Variants in ARHGAP32 observed in about 807,000 individuals in gnomAD.
ARHGAP32 encodes Rho GTPase activating protein 32.
In ARHGAP32, 51 loss-of-function variants were observed where a neutral mutation model predicts 186.5. The observed-to-expected ratio is 0.27, with a 90% CI of 0.22 to 0.35. The LOEUF (loss-of-function observed/expected upper bound fraction) is 0.35, where lower values mean the gene tolerates loss of function less well. Ranked by LOEUF, ARHGAP32 falls within the 10% of genes least tolerant of loss-of-function variation. The probability of loss-of-function intolerance (pLI) is 1.00; values close to 1 mark genes in which losing one functional copy is unlikely to be tolerated. For synonymous variants in ARHGAP32, 950 were observed against 964.3 expected (o/e 0.99, Z 0.27); for missense variants, 2,186 against 2,623.5 (o/e 0.83, Z 3.64).
Position 129,086,683 on chromosome 11 carries a change from T to C in ARHGAP32, c.531+6938A>G, listed in dbSNP as rs760380790. Reference sequence around the variant, plus strand: ...AAAAATACAAAAAATTAGCCGGGCGTGGTGGTGGGCGCCTGTAGTCCCAGC... The same window carrying C: ...AAAAATACAAAAAATTAGCCGGGCGCGGTGGTGGGCGCCTGTAGTCCCAGC... On this transcript the variant is annotated intron_variant, in intron 6 of 22. Transcript: ENST00000682385. 5.9e-5 allele frequency among the ~76,000 whole-genome samples: 9 copies of C among 151,534 alleles called. No homozygotes were observed. The South Asian group carries it at 8.4e-4, about 14-fold the overall frequency.
At chr11:129,061,470 C>T (rs1373918615) in intron 10 of ARHGAP32, among the ~76,000 whole-genome samples, 5 of 152,138 alleles carry the variant, frequency 3.3e-5, no homozygotes, top group East Asian at 1.9e-4. Flanking sequence ...TTTAATTTAT[C>T]AATTAGGCAC....
intron 2 of ARHGAP32, among the ~76,000 whole-genome samples, chr11:129,147,752 C>T (rs541852440): frequency 1.2e-4 from 19 of 152,286 alleles, no homozygotes; most frequent in Non-Finnish European, 2.5e-4. Flanking sequence ...CCACTTTTAA[C>T]AACTGACTTG....
At chr11:129,028,333 G>T (rs1216646463) in intron 11 of ARHGAP32, among the ~76,000 whole-genome samples, 1 of 152,212 alleles carries the variant, frequency 6.6e-6, no homozygotes, top group East Asian at 1.9e-4. Flanking sequence ...AGCGAGGGAA[G>T]GGGGAAGCCC....
At chr11:129,192,347 G>A, upstream of ARHGAP32, 1 of 634,334 alleles carries the variant, frequency 1.6e-6, no homozygotes, top group Admixed American at 2.7e-5. Flanking sequence ...TACAGTCAGG[G>A]TACAGACAGG....
chr11:128,973,582 A>G (rs1031286143), intron 21 of ARHGAP32, 150 bp from the exon 22 acceptor site: 4 of 798,378 alleles, frequency 5.0e-6, no homozygotes, highest in Admixed American at 2.8e-5. Context: ...CCACATGCAA[A>G]TGCTGTTGAA....
chr11:128,970,471 T>A lies in ARHGAP32; in HGVS notation c.4742A>T (p.Asn1581Ile), dbSNP rs1464157427. Residue 1581 changes from asparagine to isoleucine, a missense_variant, in exon 23 of 23, where the codon AAT becomes ATT. Asn to Ile is a moderately radical substitution (Grantham distance 149, BLOSUM62 -3). Transcript: ENST00000682385. This position sits in a 1 kb window ranked among gnomAD's most constrained non-coding sequence, Gnocchi z 5.8. The part of the protein sequence containing the change: ...YVSSLSSSVR[N>I]TCYPEDIPPY... ...TGGAATGTCTTCGGGGTAACAGGTA[T>A]TCCTGACAGAGGAGCTCAAAGAAGA... The A allele has an allele frequency of 6.2e-7, 1 of 1,614,150 alleles. No individual in the cohort carries two copies. The highest frequency in any genetic ancestry group is 8.5e-7 in the Non-Finnish European group (1 of 1,180,030).
At chr11:129,110,431 T>C (rs1031130625) in intron 5 of ARHGAP32, among the ~76,000 whole-genome samples, 2 of 152,208 alleles carry the variant, frequency 1.3e-5, no homozygotes, top group African/African-American at 4.8e-5. Flanking sequence ...AGGTTCTGTT[T>C]TGGTTCCATA....
chr11:128,989,294 C>T (rs1347085820), intron 12 of ARHGAP32, among the ~76,000 whole-genome samples: 1 of 151,922 alleles, frequency 6.6e-6, no homozygotes, highest in East Asian at 1.9e-4. Flanking sequence ...GTATTAAGTA[C>T]TAAATATATG....
At chr11:129,104,296 A>G (rs572833751) in intron 5 of ARHGAP32, among the ~76,000 whole-genome samples, 1 of 152,234 alleles carries the variant, frequency 6.6e-6, no homozygotes, top group Non-Finnish European at 1.5e-5. Context: ...TAGCTATATA[A>G]GAATAGTATT....
chr11:129,135,542 C>A (rs560097824), intron 2 of ARHGAP32, among the ~76,000 whole-genome samples: 3 of 152,006 alleles, frequency 2.0e-5, no homozygotes, highest in African/African-American at 7.3e-5. Flanking sequence ...CCAAGGCTGG[C>A]GGATCAGAAG....
intron 5 of ARHGAP32, among the ~76,000 whole-genome samples, chr11:129,113,049 C>T (rs1033054923): frequency 6.6e-6 from 1 of 152,112 alleles, no homozygotes; most frequent in African/African-American, 2.4e-5. Flanking sequence ...TAGTTCATAT[C>T]AAGCAATTTA....
At chr11:129,019,945 G>A (rs150126839) in intron 11 of ARHGAP32, among the ~76,000 whole-genome samples, 94 of 152,124 alleles carry the variant, frequency 6.2e-4, no homozygotes, top group African/African-American at 2.1e-3. Flanking sequence ...CTCACTATAA[G>A]ATTTTAGAAA....
intron 1 of ARHGAP32, among the ~76,000 whole-genome samples, chr11:129,166,099 A>G (rs1170261708): frequency 3.9e-5 from 6 of 152,194 alleles, no homozygotes; most frequent in Non-Finnish European, 8.8e-5. Flanking sequence ...TCTGAAATTA[A>G]GAACTAACCA....
In ARHGAP32 at chr11:129,053,231, T is replaced by C. The variant is rs144487041; in HGVS notation, c.963+9049A>G. Among the ~76,000 whole-genome samples, 759 of 152,236 alleles carry C rather than the reference T, an allele frequency of 5.0e-3. 4 individuals carry two copies. Among genetic ancestry groups the C allele is most frequent in the Non-Finnish European group, 7.9e-3 (536 of 67,958 alleles). On this transcript the variant is annotated intron_variant, in intron 10 of 22. Transcript: ENST00000682385. ...AATTTATCTCCAACATCAATATATC[T>C]AATGGCACTAATAAGAAAAAGTAGC... is the stretch of plus-strand genomic sequence containing the variant.
intron 5 of ARHGAP32, among the ~76,000 whole-genome samples, chr11:129,110,410 A>G (rs1480197021): frequency 1.3e-5 from 2 of 152,006 alleles, no homozygotes; most frequent in African/African-American, 4.8e-5. Context: ...TAAGGATTTC[A>G]TTGGCTATTC....
intron 1 of ARHGAP32, among the ~76,000 whole-genome samples, chr11:129,265,330 A>G (rs73584241): frequency 0.011 from 1,616 of 152,314 alleles, 28 homozygotes; most frequent in African/African-American, 0.037. Context: ...CGCTACTGAC[A>G]TTCTTGACCA....
chr11:128,971,391 A>G (rs1179135488), intron 22 of ARHGAP32: 1 of 478,682 alleles, frequency 2.1e-6, no homozygotes, highest in Non-Finnish European at 3.7e-6. Flanking sequence ...CTAATTTATG[A>G]GAGGTTTTAA....
chr11:129,160,217 C>G (rs1358937289), intron 2 of ARHGAP32, among the ~76,000 whole-genome samples: 1 of 152,156 alleles, frequency 6.6e-6, no homozygotes, highest in East Asian at 1.9e-4. Flanking sequence ...TCTCTCACCA[C>G]TCCTATTCAA....
At chr11:129,207,682 A>G (rs988058777) in intron 1 of ARHGAP32, among the ~76,000 whole-genome samples, 6 of 151,986 alleles carry the variant, frequency 3.9e-5, no homozygotes, top group South Asian at 2.1e-4. Flanking sequence ...CCCATTCTGT[A>G]GGTTGCCTCT....
Sources: gnomAD v4.1 joint callset for allele counts (sites outside exome capture counted in the v4.1 genomes callset) on GRCh38, gnomAD v4.1.1 for gene constraint, Gnocchi (gnomAD v3.1) non-coding constraint, MANE v1.5 for transcripts, NCBI Gene and HGNC (gene_info 2026-07-23, HGNC 2026-07-21) for gene names.